The following GDI2 variants were observed in gnomAD, a reference collection of about 807,000 sequenced individuals.
The protein encoded by GDI2 is GDP dissociation inhibitor 2, also known as rab GDP dissociation inhibitor beta.
A neutral mutation model predicts 54.2 loss-of-function variants in GDI2; 22 were observed. The observed-to-expected ratio is 0.41, with a 90% CI of 0.29 to 0.58. GDI2 has a LOEUF of 0.58. GDI2 is among the 20% of genes least tolerant of loss of function. GDI2 has a pLI of 0.35. For synonymous variants in GDI2, 177 were observed against 182.1 expected (o/e 0.97, Z 0.23); for missense variants, 422 against 546.0 (o/e 0.77, Z 2.26).
chr10:5,786,437 G>A (rs72772376), intron 4 of GDI2, among the ~76,000 whole-genome samples: 25,863 of 151,908 alleles, frequency 0.17, 2,489 homozygotes, highest in Admixed American at 0.23. Flanking sequence ...AAAGTGCTGA[G>A]ATTACAGGCA....
intron 1 of GDI2, among the ~76,000 whole-genome samples, chr10:5,801,037 A>G (rs1340872536): frequency 4.0e-5 from 6 of 151,854 alleles, no homozygotes; most frequent in African/African-American, 9.7e-5. Flanking sequence ...TGCAACCTCT[A>G]CCTCCAAGGA....
At chr10:5,799,335 T>A (rs1262086200) in intron 2 of GDI2, among the ~76,000 whole-genome samples, 1 of 152,178 alleles carries the variant, frequency 6.6e-6, no homozygotes, top group Non-Finnish European at 1.5e-5. Flanking sequence ...AGGCCCTGTC[T>A]CTTAAAAACA....
At chr10:5,792,427 A>G (rs1293463342) in intron 4 of GDI2, among the ~76,000 whole-genome samples, 1 of 152,200 alleles carries the variant, frequency 6.6e-6, no homozygotes, top group African/African-American at 2.4e-5. Context: ...TTATAAAACA[A>G]CTGGTACTTA....
At chr10:5,789,526 A>C (rs966442456) in intron 4 of GDI2, among the ~76,000 whole-genome samples, 1 of 152,112 alleles carries the variant, frequency 6.6e-6, no homozygotes, top group Admixed American at 6.5e-5. Flanking sequence ...GGTTCAAGCA[A>C]TCCTCCTGCC....
intron 7 of GDI2, among the ~76,000 whole-genome samples, chr10:5,772,578 G>GA (rs1840514512): frequency 6.6e-6 from 1 of 152,052 alleles, no homozygotes; most frequent in Non-Finnish European, 1.5e-5. Context: ...CCAACATGGT[G>GA]AAACCCCATC....
intron 1 of GDI2, among the ~76,000 whole-genome samples, chr10:5,802,429 T>C (rs11599810): frequency 0.093 from 14,145 of 151,982 alleles, 780 homozygotes; most frequent in East Asian, 0.15. Flanking sequence ...TGAAACCCCA[T>C]CTCTACTAAA....
intron 7 of GDI2, among the ~76,000 whole-genome samples, chr10:5,773,203 G>A (rs1157944203): frequency 1.4e-5 from 2 of 148,044 alleles, no homozygotes; most frequent in African/African-American, 5.3e-5. Context: ...ACAGCTTAAT[G>A]TTAAAAAGAT....
chr10:5,807,978 G>T, intron 1 of GDI2, among the ~76,000 whole-genome samples: 1 of 152,172 alleles, frequency 6.6e-6, no homozygotes, highest in East Asian at 1.9e-4. Flanking sequence ...GAGCAATTTA[G>T]ACTTGGAAGG....
intron 6 of GDI2, among the ~76,000 whole-genome samples, chr10:5,781,544 G>A (rs1840756480): frequency 6.9e-6 from 1 of 145,806 alleles, no homozygotes; most frequent in African/African-American, 2.5e-5. Flanking sequence ...AGAATGGCGT[G>A]AACCCAGGAG....
intron 1 of GDI2, among the ~76,000 whole-genome samples, chr10:5,803,961 A>C (rs1393599240): frequency 3.3e-5 from 5 of 152,188 alleles, no homozygotes; most frequent in African/African-American, 1.2e-4. Flanking sequence ...TTTGACTTTG[A>C]AACCCGTATT....
rs1003629093 is a variant in GDI2 at position 5,800,598 on chromosome 10, A to G, written c.153T>C (p.Asp51=). 3.5e-6 allele frequency: 5 copies of G among 1,409,848 alleles called. No homozygotes were observed. Among genetic ancestry groups the G allele is most frequent in the Admixed American group, 1.7e-5 (1 of 59,788 alleles). 87.3% of individuals were successfully genotyped at this position (1,409,848 alleles called of 1,614,324 possible). ...CGTATGAAATTTGACTAACACTTACATCTTCCAATGGTGTTATAGATGCAC... is the reference window on the plus strand; with the variant it reads ...CGTATGAAATTTGACTAACACTTACGTCTTCCAATGGTGTTATAGATGCAC... The part of the protein sequence containing the change: ...GESASITPLE[D]LYKRFKIPGS... Residue 51 remains aspartate (D), a splice_region_variant and synonymous_variant, in exon 2 of 11, where the codon GAT becomes GAC. Coordinates refer to ENST00000380191, the MANE Select transcript of GDI2 (RefSeq NM_001494.4).
intron 8 of GDI2, among the ~76,000 whole-genome samples, chr10:5,767,018 C>A (rs1840355543): frequency 1.3e-5 from 2 of 152,190 alleles, no homozygotes; most frequent in Admixed American, 1.3e-4. Flanking sequence ...GTACTTAGTA[C>A]TGACGTCCTC....
chr10:5,812,824 T>C (rs1219132844), intron 1 of GDI2, among the ~76,000 whole-genome samples: 1 of 152,158 alleles, frequency 6.6e-6, no homozygotes, highest in Non-Finnish European at 1.5e-5. Context: ...GCCTGCACCG[T>C]CCCCTCCGCC....
intron 4 of GDI2, among the ~76,000 whole-genome samples, chr10:5,788,405 C>T (rs1001849613): frequency 6.6e-6 from 1 of 152,148 alleles, no homozygotes; most frequent in African/African-American, 2.4e-5. Context: ...CCTCTTTCCC[C>T]CACAGCAATG....
chr10:5,812,914 C>T (rs1328293704), intron 1 of GDI2, among the ~76,000 whole-genome samples: 1 of 152,242 alleles, frequency 6.6e-6, no homozygotes, highest in African/African-American at 2.4e-5. Context: ...GCCTTCTCCC[C>T]TCCCCTCCGC....
intron 1 of GDI2, among the ~76,000 whole-genome samples, chr10:5,806,462 TATG>T (rs1280696518): frequency 6.6e-6 from 1 of 151,926 alleles, no homozygotes; most frequent in East Asian, 1.9e-4. Context: ...ATAAGGCACT[TATG>T]ATAAGTGCCT....
In GDI2 at chr10:5,776,070, G is replaced by T. The variant is rs1412760049; in HGVS notation, c.720-2129C>A. ...TACCCCGGAGTCTATGAAAATAATG[G>T]ATCCCTCAACCTGGCTCATCAACAG... On this transcript the variant is annotated intron_variant, in intron 6 of 10. Coordinates refer to ENST00000380191, the MANE Select transcript of GDI2 (RefSeq NM_001494.4). This position sits in a 1 kb window ranked among gnomAD's most constrained non-coding sequence, Gnocchi z 5.3. 5.6e-5 allele frequency: 11 copies of T among 195,412 alleles called. No homozygotes were observed. Among genetic ancestry groups the T allele is most frequent in the Non-Finnish European group, 1.1e-4 (10 of 91,246 alleles). 12.1% of individuals were successfully genotyped at this position (195,412 alleles called of 1,614,324 possible). A position where few individuals can be genotyped will look rare whatever the true frequency, so the allele number is the denominator to read the frequency against.
intron 1 of GDI2, among the ~76,000 whole-genome samples, chr10:5,803,547 A>C (rs977477939): frequency 6.6e-6 from 1 of 152,232 alleles, no homozygotes; most frequent in Non-Finnish European, 1.5e-5. Context: ...CAATAGCTAC[A>C]ACCTTTATAA....
chr10:5,804,285 G>T (rs1293643316), intron 1 of GDI2, among the ~76,000 whole-genome samples: 2 of 152,150 alleles, frequency 1.3e-5, no homozygotes, highest in South Asian at 4.2e-4. Context: ...GTAGAGATGG[G>T]GTTTCACCGT....
Sources: gnomAD v4.1 joint callset for allele counts (sites outside exome capture counted in the v4.1 genomes callset) on GRCh38, gnomAD v4.1.1 for gene constraint, Gnocchi (gnomAD v3.1) non-coding constraint, MANE v1.5 for transcripts, NCBI Gene and HGNC (gene_info 2026-07-23, HGNC 2026-07-21) for gene names.